The following CPQ variants were observed in gnomAD, a reference collection of about 807,000 sequenced individuals.
CPQ encodes carboxypeptidase Q.
CPQ carries 37 observed loss-of-function variants against 45.7 expected under a neutral mutation model. The observed-to-expected ratio is 0.81, with a 90% CI of 0.62 to 1.07. CPQ has a LOEUF of 1.07. CPQ is among the 50% of genes least tolerant of loss of function. CPQ has a pLI of 0.00. For synonymous variants in CPQ, 186 were observed against 205.8 expected, an observed-to-expected ratio of 0.90 and a Z score of 0.82; for missense variants, 537 against 572.9, an observed-to-expected ratio of 0.94 and a Z score of 0.64.
intron 3 of CPQ, among the ~76,000 whole-genome samples, chr8:96,851,223 G>A (rs1014523181): frequency 2.0e-5 from 3 of 152,258 alleles, no homozygotes; most frequent in Middle Eastern, 3.4e-3. Flanking sequence ...TGAGAGAGTC[G>A]TGAGATAACT....
chr8:96,703,227 G>A (rs1809491090), intron 1 of CPQ, among the ~76,000 whole-genome samples: 1 of 152,082 alleles, frequency 6.6e-6, no homozygotes, highest in Non-Finnish European at 1.5e-5. Flanking sequence ...ATGAGACTTT[G>A]CCATATTTTT....
chr8:96,982,920 T>A (rs929881769), intron 5 of CPQ, among the ~76,000 whole-genome samples: 1 of 152,208 alleles, frequency 6.6e-6, no homozygotes, highest in Non-Finnish European at 1.5e-5. Flanking sequence ...TTTTTTAAAC[T>A]AAGAAATATT....
chr8:97,087,816 T>G (rs2130561177), intron 7 of CPQ, among the ~76,000 whole-genome samples: 1 of 152,322 alleles, frequency 6.6e-6, no homozygotes, highest in East Asian at 1.9e-4. Context: ...TATTTTATAT[T>G]CATAGTCTGT....
At chr8:96,672,841 A>AT (rs1418982772) in intron 1 of CPQ, among the ~76,000 whole-genome samples, 8 of 151,780 alleles carry the variant, frequency 5.3e-5, no homozygotes, top group African/African-American at 9.7e-5. Context: ...TTTCTTTAAA[A>AT]TTTTTTTTTA....
chr8:96,954,843 G>A (rs925720413), intron 4 of CPQ, among the ~76,000 whole-genome samples: 18 of 151,944 alleles, frequency 1.2e-4, no homozygotes, highest in African/African-American at 2.4e-4. Flanking sequence ...GAGAACATGC[G>A]GTGTTTGGTT....
chr8:96,960,373 A>G lies in CPQ; in HGVS notation c.850-5562A>G, dbSNP rs1813437653. ...CTATACTTTTTCTTTGCTTTAGAACAGTTGAAATAGAACAAGATCAATCTG... is the reference window on the plus strand; with the variant it reads ...CTATACTTTTTCTTTGCTTTAGAACGGTTGAAATAGAACAAGATCAATCTG... On this transcript the variant is annotated intron_variant, in intron 4 of 7. Transcript: ENST00000220763. 2.0e-5 allele frequency among the ~76,000 whole-genome samples: 3 copies of G among 152,340 alleles called. No homozygotes were observed. The South Asian group carries it at 6.2e-4, about 32-fold the overall frequency.
chr8:97,035,662 T>C (rs551197645), intron 6 of CPQ, among the ~76,000 whole-genome samples: 3 of 151,856 alleles, frequency 2.0e-5, no homozygotes, highest in African/African-American at 7.3e-5. Flanking sequence ...CCTCCCTGCT[T>C]CTTCTTGCCT....
rs74488863 is a variant in CPQ, at chr8:96,730,508, G to C, written c.-34-54356G>C. ...CTTGGGAAGAAAATAGCCACAGAAG[G>C]AAAGTACAGGGAGGCAAACAGTGGG... On this transcript the variant is annotated intron_variant, in intron 1 of 7. Coordinates refer to ENST00000220763, the MANE Select transcript of CPQ (RefSeq NM_016134.4). Among the ~76,000 whole-genome samples, 129 of 152,168 alleles carry C rather than the reference G, an allele frequency of 8.5e-4. 1 individual carries two copies. Among genetic ancestry groups the C allele is most frequent in the Non-Finnish European group, 1.1e-3 (76 of 67,996 alleles).
At chr8:97,093,049 CAACA>C (rs1811151289) in intron 7 of CPQ, 1 of 152,004 alleles carries the variant, frequency 6.6e-6, no homozygotes, top group Non-Finnish European at 1.5e-5. Context: ...GACAAGCAGC[CAACA>C]AACATATGAA....
intron 7 of CPQ, among the ~76,000 whole-genome samples, chr8:97,109,214 C>T (rs1041688832): frequency 9.2e-5 from 14 of 152,146 alleles, no homozygotes; most frequent in African/African-American, 2.2e-4. Context: ...TTAATAGCTA[C>T]GGTGCACTTT....
chr8:96,662,395 C>T (rs977292020), intron 1 of CPQ, among the ~76,000 whole-genome samples: 1 of 152,016 alleles, frequency 6.6e-6, no homozygotes, highest in Non-Finnish European at 1.5e-5. Flanking sequence ...TTTTGATAAT[C>T]GCATCTTCTT....
At chr8:96,802,451 G>A (rs902733622) in intron 2 of CPQ, among the ~76,000 whole-genome samples, 13 of 152,142 alleles carry the variant, frequency 8.5e-5, no homozygotes, top group African/African-American at 2.2e-4. Flanking sequence ...ATGGCACTTG[G>A]GAAAATGCAT....
intron 5 of CPQ, among the ~76,000 whole-genome samples, chr8:96,987,909 G>C (rs78091006): frequency 6.6e-6 from 1 of 152,102 alleles, no homozygotes; most frequent in Non-Finnish European, 1.5e-5. Context: ...TAACTTGATG[G>C]CATAAAGTGA....
intron 1 of CPQ, among the ~76,000 whole-genome samples, chr8:96,731,095 AG>A (rs1377665413): frequency 1.3e-5 from 2 of 151,878 alleles, no homozygotes; most frequent in African/African-American, 4.8e-5. Flanking sequence ...TCAAAGAATT[AG>A]GGTCTGAAGA....
chr8:96,863,913 A>G (rs1811963061), intron 3 of CPQ, among the ~76,000 whole-genome samples: 3 of 152,064 alleles, frequency 2.0e-5, no homozygotes, highest in African/African-American at 7.2e-5. Flanking sequence ...GACCTCATGA[A>G]TGGTTTTGAT....
intron 1 of CPQ, among the ~76,000 whole-genome samples, chr8:96,710,486 C>A (rs1809592364): frequency 1.3e-5 from 2 of 152,148 alleles, no homozygotes; most frequent in South Asian, 2.1e-4. Flanking sequence ...AGCATTTAGA[C>A]CTATAATTTT....
chr8:96,682,366 A>G (rs991314913), intron 1 of CPQ, among the ~76,000 whole-genome samples: 1 of 152,224 alleles, frequency 6.6e-6, no homozygotes, highest in South Asian at 2.1e-4. Context: ...AAGTTTCCCT[A>G]TACAAGCTCT....
Position 97,066,117 on chromosome 8 carries a change from G to T in CPQ, c.1162G>T (p.Val388Phe). The change falls in exon 7 of 8, where the codon GTT (valine) becomes TTT (phenylalanine). Residue 388 changes from valine (V) to phenylalanine (F), a missense_variant. By Grantham distance (50) the Val-to-Phe change is conservative. Coordinates refer to ENST00000220763, the MANE Select transcript of CPQ (RefSeq NM_016134.4). The part of the protein sequence containing the change: ...SEKARAIMEE[V>F]MSLLQPLNIT... ...AAAGGCCAGGGCCATCATGGAGGAG[G>T]TTATGAGCCTGCTGCAGCCCCTCAA... 6.2e-7 allele frequency: 1 copy of T among 1,612,366 alleles called. No individual in the cohort carries two copies.
At chr8:97,056,777 T>G (rs1019364578) in intron 6 of CPQ, among the ~76,000 whole-genome samples, 16 of 152,324 alleles carry the variant, frequency 1.1e-4, no homozygotes, top group Non-Finnish European at 1.5e-4. Context: ...TATTTTCAAG[T>G]GCCCGTTAGC....
Sources: gnomAD v4.1 joint callset for allele counts (sites outside exome capture counted in the v4.1 genomes callset) on GRCh38, gnomAD v4.1.1 for gene constraint, MANE v1.5 for transcripts, NCBI Gene and HGNC (gene_info 2026-07-23, HGNC 2026-07-21) for gene names.